The following EMC10 variants were observed in gnomAD, a reference collection of about 807,000 sequenced individuals.
EMC10 encodes the protein ER membrane protein complex subunit 10.
In EMC10, 40 loss-of-function variants were observed where a neutral mutation model predicts 32.2. The observed-to-expected ratio is 1.24, with a 90% confidence interval of 0.96 to 1.61. The LOEUF is 1.61. EMC10 is among the 40% of genes most tolerant of loss of function. EMC10 has a pLI of 0.00. For missense variants in EMC10, 402 were observed against 357.7 expected, an observed-to-expected ratio of 1.12 and a Z score of -1.00; for synonymous variants, 178 against 158.4, an observed-to-expected ratio of 1.12 and a Z score of -0.93.
Position 50,482,325 on chromosome 19 carries a change from G to T in EMC10, c.*66G>T. ...GCCTCCCTTTCTGCTGGAGTCCCCT[G>T]TGTCCTCAGCCATCCCAAGAAGGGT... On this transcript the variant is annotated 3_prime_UTR_variant, in exon 7 of 7. Coordinates refer to ENST00000334976, the MANE Select transcript of EMC10 (RefSeq NM_206538.4). 1 of 716,612 alleles carries T rather than the reference G, an allele frequency of 1.4e-6. No homozygotes were observed. Among genetic ancestry groups the T allele is most frequent in the Non-Finnish European group, 2.4e-6 (1 of 415,386 alleles). 44.4% of individuals were successfully genotyped at this position (716,612 alleles called of 1,614,324 possible).
At chr19:50,482,037 G>C (rs909096918) in intron 6 of EMC10, 112 bp from the exon 7 acceptor site, 11 of 1,521,722 alleles carry the variant, frequency 7.2e-6, no homozygotes, top group Non-Finnish European at 9.1e-6. Flanking sequence ...CTCCCCTTAC[G>C]CGACCTCCCC....
intron 6 of EMC10, 42 bp from the exon 7 acceptor site, chr19:50,482,107 C>G: frequency 7.1e-7 from 1 of 1,409,428 alleles, no homozygotes; most frequent in Non-Finnish European, 1.0e-6. Context: ...CCCTCTCTCT[C>G]TCTTTCTGTG....
chr19:50,477,850 T>C, intron 1 of EMC10, 79 bp from the exon 2 acceptor site: 2 of 1,128,604 alleles, frequency 1.8e-6, no homozygotes. Context: ...CACCAGTCTG[T>C]CTGTCCTGGG....
intron 1 of EMC10, among the ~76,000 whole-genome samples, 183 bp from the exon 2 acceptor site, chr19:50,477,746 G>A (rs1403695350): frequency 1.3e-5 from 2 of 152,196 alleles, no homozygotes; most frequent in Non-Finnish European, 2.9e-5. Flanking sequence ...GGGTGAGGGA[G>A]TGCAGAGTAT....
rs12609148 is a variant in EMC10 at position 50,490,243 on chromosome 19, T to C, written c.*7984T>C. 0.33 allele frequency: 50,106 copies of C among 151,832 alleles called. 8,443 individuals are homozygous for C. Among genetic ancestry groups the C allele is most frequent in the South Asian group, 0.42 (2,015 of 4,800 alleles). The allele number at this position is 151,832 out of a possible 1,614,324, so 9.4% of individuals were successfully genotyped here. A position where few individuals can be genotyped will look rare whatever the true frequency, so the allele number is the denominator to read the frequency against. ...GATTCTCCTGCCTCAGCCTCCCAAG[T>C]AGCTGGGATTACAGGGGCCCGCCAT... On this transcript the variant is annotated 3_prime_UTR_variant, in exon 7 of 7. Transcript: ENST00000334976.
In EMC10 at chr19:50,487,808, A is replaced by G. The variant is rs999865424; in HGVS notation, c.*5549A>G. The G allele has an allele frequency of 6.6e-6, 1 of 152,488 alleles. No homozygotes were observed. Among genetic ancestry groups the G allele is most frequent in the African/African-American group, 2.4e-5 (1 of 41,376 alleles). The allele number at this position is 152,488 out of a possible 1,614,324, so 9.4% of individuals were successfully genotyped here. ...GGAGACAGGTCCAGAGAGGAGGGAA[A>G]GGAAAGGACAGGGCAGAGACAGAGA... On this transcript the variant is annotated 3_prime_UTR_variant, in exon 7 of 7. Transcript: ENST00000334976.
rs1202696427 is a variant in EMC10 at position 50,485,449 on chromosome 19, C to G, written c.*3190C>G. On this transcript the variant is annotated 3_prime_UTR_variant, in exon 7 of 7. Transcript: ENST00000334976. ...AAAGGAGCCAGTGCCTCCCACCTGC[C>G]CGGATCGGGTGCTCCTCCAGGGATC... 2 of 152,382 alleles carry G rather than the reference C, an allele frequency of 1.3e-5. No homozygotes were observed. Among genetic ancestry groups the G allele is most frequent in the South Asian group, 2.1e-4 (1 of 4,838 alleles). The allele number at this position is 152,382 out of a possible 1,614,324, so 9.4% of individuals were successfully genotyped here. A position where few individuals can be genotyped will look rare whatever the true frequency, so the allele number is the denominator to read the frequency against.
intron 3 of EMC10, 56 bp downstream of exon 3, chr19:50,479,122 C>G (rs2040277749): frequency 1.4e-6 from 2 of 1,390,430 alleles, no homozygotes; most frequent in African/African-American, 2.9e-5. Flanking sequence ...TTCCAGCTGT[C>G]TCTTCAGCCA....
In EMC10 at chr19:50,482,369, C is replaced by T. The variant is rs950778631; in HGVS notation, c.*110C>T. Reference sequence around the variant, plus strand: ...GAAGGGTTTGCTGGTCCCTCCTTTCCCCCCGTCCCACGAGGCCACCTGGGC... The same window carrying T: ...GAAGGGTTTGCTGGTCCCTCCTTTCTCCCCGTCCCACGAGGCCACCTGGGC... On this transcript the variant is annotated 3_prime_UTR_variant, in exon 7 of 7. Transcript: ENST00000334976. The T allele has an allele frequency of 1.1e-5, 7 of 621,926 alleles. No homozygotes were observed. In the Admixed American group the frequency reaches 2.0e-4, roughly 18 times the overall value. The allele number at this position is 621,926 out of a possible 1,614,324, so 38.5% of individuals were successfully genotyped here.
chr19:50,476,899 A>C, intron 1 of EMC10: 15 of 347,604 alleles, frequency 4.3e-5, no homozygotes, highest in East Asian at 1.5e-4. Flanking sequence ...GGGAATATGT[A>C]TGAGGGGGCG....
In EMC10 at chr19:50,483,245, C is replaced by T. The variant is rs559402685; in HGVS notation, c.*986C>T. On this transcript the variant is annotated 3_prime_UTR_variant, in exon 7 of 7. Coordinates refer to ENST00000334976, the MANE Select transcript of EMC10 (RefSeq NM_206538.4). ...ATTGAAATTCACTGCTCACTTGATA[C>T]GTTATTCAGAAACCCAAGGAATGGC... 1.5e-5 allele frequency: 6 copies of T among 401,054 alleles called. No homozygotes were observed. The highest frequency in any genetic ancestry group is 3.5e-4 in the Middle Eastern group (1 of 2,844). 24.8% of individuals were successfully genotyped at this position (401,054 alleles called of 1,614,324 possible).
intron 6 of EMC10, chr19:50,481,844 G>T: frequency 1.3e-6 from 2 of 1,552,744 alleles, no homozygotes. Context: ...CCTGACCTGC[G>T]CTCCCTCCCT....
chr19:50,478,870 C>A, intron 2 of EMC10, 87 bp from the exon 3 acceptor site: 1 of 1,036,108 alleles, frequency 9.7e-7, no homozygotes, highest in Non-Finnish European at 1.4e-6. Flanking sequence ...GAGGCCAGGC[C>A]AAAATTTGAA....
At position 50,478,084 on chromosome 19, in the gene EMC10, G is replaced by C. The variant is rs193037089; in HGVS notation, c.187+83G>C. 16 of 1,154,868 alleles carry C rather than the reference G, an allele frequency of 1.4e-5. No individual in the cohort carries two copies. The South Asian group carries it at 2.1e-4, about 15-fold the overall frequency. The allele number at this position is 1,154,868 out of a possible 1,614,324, so 71.5% of individuals were successfully genotyped here. ...ACTTGGAGTCTGGGTGCCTCCCGTC[G>C]TATGACATTTACTAACAACCATTTA... On this transcript the variant is annotated intron_variant, in intron 2 of 6. Transcript: ENST00000334976.
chr19:50,482,711 A>C lies in EMC10; in HGVS notation c.*452A>C. On this transcript the variant is annotated 3_prime_UTR_variant, in exon 7 of 7. Coordinates refer to ENST00000334976, the MANE Select transcript of EMC10 (RefSeq NM_206538.4). ...TCCAGGCTCCTGCAGCGCCCCCCTC[A>C]CTTTGACACTGGACTAGGATGCAGC... 1 of 473,120 alleles carries C rather than the reference A, an allele frequency of 2.1e-6. No individual in the cohort carries two copies. 29.3% of individuals were successfully genotyped at this position (473,120 alleles called of 1,614,324 possible).
rs570035599 is a variant in EMC10 at position 50,480,494 on chromosome 19, G to C, written c.403-87G>C. On this transcript the variant is annotated intron_variant, in intron 4 of 6. Coordinates refer to ENST00000334976, the MANE Select transcript of EMC10 (RefSeq NM_206538.4). The surrounding 1 kb of genome is among the most constrained non-coding windows in gnomAD (Gnocchi z 4.4). ...ATGGGAAGGTTTTGAAAAATGCTCC[G>C]GGGGTCCTGTGGTGGGGGCCGGGGG... The C allele has an allele frequency of 1.4e-6, 2 of 1,453,174 alleles. No homozygotes were observed. The highest frequency in any genetic ancestry group is 2.3e-5 in the Admixed American group (1 of 43,962). 90.0% of individuals were successfully genotyped at this position (1,453,174 alleles called of 1,614,324 possible). A position where few individuals can be genotyped will look rare whatever the true frequency, so the allele number is the denominator to read the frequency against.
chr19:50,478,973 C>G lies in EMC10; in HGVS notation c.204C>G (p.Phe68Leu), dbSNP rs1487506707. Residue 68 changes from phenylalanine to leucine, a missense_variant, in exon 3 of 7, where the codon TTC (phenylalanine) becomes TTG (leucine). Transcript: ENST00000334976. ...TCCTCACAGATGACAGTGCCAACTT[C>G]CGGAAGCGGGGCTCACTGCTCTGGA... ...HSFEIDDSAN[F>L]RKRGSLLWNQ... The G allele has an allele frequency of 1.9e-6, 3 of 1,609,396 alleles. No homozygotes were observed. The highest frequency in any genetic ancestry group is 2.0e-4 in the Middle Eastern group (1 of 4,988).
chr19:50,476,826 C>A, intron 1 of EMC10, 168 bp downstream of exon 1: 1 of 532,460 alleles, frequency 1.9e-6, no homozygotes, highest in South Asian at 2.5e-5. Context: ...GGGGCCTCGC[C>A]AGTGCACCGG....
Position 50,482,511 on chromosome 19 carries a change from T to G in EMC10, c.*252T>G, listed in dbSNP as rs1193994637. The G allele has an allele frequency of 1.1e-5, 6 of 564,674 alleles. No individual in the cohort carries two copies. Among genetic ancestry groups the G allele is most frequent in the African/African-American group, 9.6e-5 (5 of 51,888 alleles). The allele number at this position is 564,674 out of a possible 1,614,324, so 35.0% of individuals were successfully genotyped here. ...CATGGCCCCATGCAGCCCCAGGGGC[T>G]TCCCCCCTGCCCATGGAGTAGAGCC... On this transcript the variant is annotated 3_prime_UTR_variant, in exon 7 of 7. Coordinates refer to ENST00000334976, the MANE Select transcript of EMC10 (RefSeq NM_206538.4).
Sources: gnomAD v4.1 joint callset for allele counts (sites outside exome capture counted in the v4.1 genomes callset) on GRCh38, gnomAD v4.1.1 for gene constraint, Gnocchi (gnomAD v3.1) non-coding constraint, MANE v1.5 for transcripts, NCBI Gene and HGNC (gene_info 2026-07-23, HGNC 2026-07-21) for gene names.